AUTS2: variants seen among roughly 807,000 people sequenced by gnomAD.
AUTS2 encodes the protein activator of transcription and developmental regulator AUTS2.
Under a neutral mutation model 112.4 loss-of-function variants are expected in AUTS2, and 17 were observed. That is an observed-to-expected ratio of 0.15 (90% CI 0.10 to 0.23). The LOEUF (loss-of-function observed/expected upper bound fraction) is 0.23. Among genes scored for constraint, AUTS2 ranks in the 10% least tolerant of loss-of-function variants. The probability of loss-of-function intolerance (pLI) is 1.00; values close to 1 mark genes in which losing one functional copy is unlikely to be tolerated. For synonymous variants in AUTS2, 751 were observed against 702.7 expected, an observed-to-expected ratio of 1.07 and a Z score of -1.09; for missense variants, 1,510 against 1,701.6, an observed-to-expected ratio of 0.89 and a Z score of 1.98.
chr7:70,528,111 T>TTTA lies in AUTS2; in HGVS notation c.690+92332_690+92333insATT, dbSNP rs1554421919. ...TTTAAGGATTTTTTTTTTTTTTTTT[T>TTTA]TTTTTTTTACTGGAGTGTTACACAG... is the stretch of plus-strand genomic sequence containing the variant. On this transcript the variant is annotated intron_variant, in intron 5 of 18. Coordinates refer to ENST00000342771, the MANE Select transcript of AUTS2 (RefSeq NM_015570.4). Among the ~76,000 whole-genome samples the TTTA allele has an allele frequency of 5.4e-5, 8 of 149,518 alleles. 1 individual carries two copies. Among genetic ancestry groups the TTTA allele is most frequent in the African/African-American group, 2.0e-4 (8 of 40,630 alleles).
chr7:69,775,868 C>T (rs1788870761), intron 1 of AUTS2, among the ~76,000 whole-genome samples: 1 of 152,172 alleles, frequency 6.6e-6, no homozygotes, highest in Non-Finnish European at 1.5e-5. Flanking sequence ...TCTGTTTTGA[C>T]AGTGCAAATA....
intron 5 of AUTS2, among the ~76,000 whole-genome samples, chr7:70,660,189 A>G (rs1034938185): frequency 7.2e-5 from 11 of 151,732 alleles, no homozygotes; most frequent in African/African-American, 2.7e-4. Flanking sequence ...AAAAAAAAAG[A>G]AAAGAAAAAA....
chr7:70,641,930 C>G (rs555457860), intron 5 of AUTS2, among the ~76,000 whole-genome samples: 40 of 152,314 alleles, frequency 2.6e-4, no homozygotes, highest in African/African-American at 9.6e-4. Context: ...TGCACATTCC[C>G]CTAGTATCAG....
chr7:70,475,824 C>CCAGG (rs1797561122), intron 5 of AUTS2, among the ~76,000 whole-genome samples: 1 of 152,074 alleles, frequency 6.6e-6, no homozygotes, highest in Admixed American at 6.5e-5. Context: ...TCACTTGAGG[C>CCAGG]CAGGAATTTG....
chr7:69,969,918 A>G (rs901030419), intron 2 of AUTS2, among the ~76,000 whole-genome samples: 1 of 152,200 alleles, frequency 6.6e-6, no homozygotes, highest in African/African-American at 2.4e-5. Flanking sequence ...ATTTAGGAAG[A>G]TGATTTAATC....
intron 2 of AUTS2, among the ~76,000 whole-genome samples, chr7:70,034,046 A>G (rs1236711488): frequency 6.6e-6 from 1 of 152,226 alleles, no homozygotes; most frequent in Non-Finnish European, 1.5e-5. Context: ...TACATTATGT[A>G]CATGTATCAG....
intron 4 of AUTS2, among the ~76,000 whole-genome samples, chr7:70,185,300 TC>T (rs1195852638): frequency 7.0e-6 from 1 of 143,132 alleles, no homozygotes; most frequent in African/African-American, 2.7e-5. Context: ...ACGAGGATCT[TC>T]CTATGTTGCG....
chr7:69,806,142 T>G (rs529296803), intron 1 of AUTS2, among the ~76,000 whole-genome samples: 1 of 142,850 alleles, frequency 7.0e-6, no homozygotes, highest in South Asian at 2.4e-4. Flanking sequence ...GCGGTCTTCC[T>G]ACCTCCACCT....
At chr7:70,773,967 C>T in intron 11 of AUTS2, 61 bp from the exon 12 acceptor site, 1 of 1,492,834 alleles carries the variant, frequency 6.7e-7, no homozygotes, top group South Asian at 1.1e-5. Flanking sequence ...AGGGAAGGAT[C>T]TTGCTTTCAT....
At chr7:70,603,245 A>G (rs17141811) in intron 5 of AUTS2, among the ~76,000 whole-genome samples, 1,596 of 152,242 alleles carry the variant, frequency 0.01, 57 homozygotes, top group East Asian at 0.095. Context: ...TATCCTAAGC[A>G]GGAGAGAAGT....
In AUTS2 at chr7:69,599,915, A is replaced by G; in HGVS notation, c.262A>G (p.Ile88Val). Residue 88 changes from isoleucine (I) to valine (V), a missense_variant, in exon 1 of 19, where the codon ATT (isoleucine) becomes GTT (valine). Ile to Val is a conservative substitution (Grantham distance 29). Around this residue, in one of 3 missense-constraint regions of AUTS2, gnomAD observed 535 missense variants for 594.3 expected, o/e 0.90. Coordinates refer to ENST00000342771, the MANE Select transcript of AUTS2 (RefSeq NM_015570.4). The surrounding 1 kb of genome is among the most constrained non-coding windows in gnomAD (Gnocchi z 7.0). ...GTCCACCTCGGCAGAAGAGGACATC[A>G]TTGATGGATTTGCCATGACCAGCTT... ...RESTSAEEDI[I>V]DGFAMTSFVT... The G allele has an allele frequency of 6.2e-7, 1 of 1,613,582 alleles. No homozygotes were observed. The highest frequency in any genetic ancestry group is 8.5e-7 in the Non-Finnish European group (1 of 1,179,924).
intron 2 of AUTS2, among the ~76,000 whole-genome samples, chr7:70,016,031 GTT>G (rs1429665613): frequency 2.0e-5 from 3 of 152,086 alleles, no homozygotes; most frequent in Non-Finnish European, 4.4e-5. Context: ...GAGTGAGGCT[GTT>G]GCTTCATATT....
intron 6 of AUTS2, among the ~76,000 whole-genome samples, chr7:70,700,513 A>G (rs1809390909): frequency 6.6e-6 from 1 of 152,186 alleles, no homozygotes; most frequent in African/African-American, 2.4e-5. Context: ...ATGAATGACA[A>G]GAGACGGAAT....
At chr7:70,452,049 A>G (rs1186073539) in intron 5 of AUTS2, among the ~76,000 whole-genome samples, 1 of 152,220 alleles carries the variant, frequency 6.6e-6, no homozygotes, top group Admixed American at 6.5e-5. Context: ...CTCTAGCAAC[A>G]TAGTGCTGTG....
chr7:70,733,540 C>G (rs1787579209), intron 6 of AUTS2, among the ~76,000 whole-genome samples: 1 of 115,200 alleles, frequency 8.7e-6, no homozygotes, highest in Non-Finnish European at 1.8e-5. Context: ...CTCACCACCC[C>G]CCTACCCCCA....
rs1014188084 is a variant in AUTS2, at chr7:69,599,585, A to AT, written c.-60dup. The AT allele has an allele frequency of 2.2e-4, 272 of 1,213,548 alleles. No homozygotes were observed. Among genetic ancestry groups the AT allele is most frequent in the Middle Eastern group, 1.6e-3 (5 of 3,154 alleles). The allele number at this position is 1,213,548 out of a possible 1,614,324, so 75.2% of individuals were successfully genotyped here. On this transcript the variant is annotated 5_prime_UTR_variant, in exon 1 of 19. Transcript: ENST00000342771. The surrounding 1 kb of genome is among the most constrained non-coding windows in gnomAD (Gnocchi z 7.0). ...AAGGGGGAGGGAGGGCTCGGTGTCA[A>AT]TTTTTTTTTGTGTGGCTGCGGCCGT...
chr7:69,647,642 C>T (rs1795084911), intron 1 of AUTS2, among the ~76,000 whole-genome samples: 1 of 152,236 alleles, frequency 6.6e-6, no homozygotes, highest in South Asian at 2.1e-4. Flanking sequence ...CAGGCGTGAG[C>T]CACCACGCCC....
intron 4 of AUTS2, among the ~76,000 whole-genome samples, chr7:70,415,830 T>C (rs1794966557): frequency 6.6e-6 from 1 of 152,212 alleles, no homozygotes; most frequent in Admixed American, 6.5e-5. Flanking sequence ...CTTGGGGCAT[T>C]TGTGTGCACG....
intron 4 of AUTS2, among the ~76,000 whole-genome samples, chr7:70,358,822 C>T (rs923100108): frequency 2.0e-5 from 3 of 152,214 alleles, no homozygotes; most frequent in Non-Finnish European, 4.4e-5. Context: ...TTTCAGTCTT[C>T]ATAACCTCAC....
Sources: gnomAD v4.1 joint callset for allele counts (sites outside exome capture counted in the v4.1 genomes callset) on GRCh38, gnomAD v4.1.1 for gene constraint, gnomAD v4.1.1 regional missense constraint, Gnocchi (gnomAD v3.1) non-coding constraint, MANE v1.5 for transcripts, NCBI Gene and HGNC (gene_info 2026-07-23, HGNC 2026-07-21) for gene names.